The following SAMD3 variants were observed in gnomAD, a reference collection of about 807,000 sequenced individuals.
SAMD3 encodes the protein sterile alpha motif domain-containing protein 3.
Under a neutral mutation model 58.5 loss-of-function variants are expected in SAMD3, and 63 were observed. That is an observed-to-expected ratio of 1.08 (90% CI 0.88 to 1.33). The LOEUF is 1.33. Ranked by LOEUF, SAMD3 falls within the 40% of genes most tolerant of loss-of-function variation. SAMD3 has a pLI of 0.00. For missense variants in SAMD3, 604 were observed against 608.4 expected (o/e 0.99, Z 0.08); for synonymous variants, 220 against 210.3 (o/e 1.05, Z -0.40).
intron 1 of SAMD3, among the ~76,000 whole-genome samples, chr6:130,354,643 G>T (rs558206802): frequency 3.9e-5 from 6 of 152,096 alleles, no homozygotes; most frequent in African/African-American, 1.2e-4. Flanking sequence ...CAGACACTGG[G>T]GCCTATGTGA....
At chr6:130,190,167 C>T (rs1793394332) in intron 5 of SAMD3, among the ~76,000 whole-genome samples, 1 of 152,196 alleles carries the variant, frequency 6.6e-6, no homozygotes. Flanking sequence ...CAGATTTTAA[C>T]TGACACCAGG....
intron 1 of SAMD3, among the ~76,000 whole-genome samples, chr6:130,351,231 C>G (rs1777651949): frequency 6.6e-6 from 1 of 152,096 alleles, no homozygotes; most frequent in Non-Finnish European, 1.5e-5. Context: ...CAAATGGGAT[C>G]TAATTAAACT....
chr6:130,362,298 T>TC (rs749204957), intron 1 of SAMD3, among the ~76,000 whole-genome samples: 1 of 152,146 alleles, frequency 6.6e-6, no homozygotes, highest in Non-Finnish European at 1.5e-5. Flanking sequence ...TTCTAACAGT[T>TC]CCCCCGTGAT....
At position 130,177,632 on chromosome 6, in the gene SAMD3, T is replaced by C. The variant is rs1010574568; in HGVS notation, c.655-1624A>G. Among the ~76,000 whole-genome samples the C allele has an allele frequency of 2.0e-5, 3 of 152,232 alleles. No homozygotes were observed. In the East Asian group the frequency reaches 5.8e-4, roughly 29 times the overall value. ...GGTGTTGGATCTCTCCTTTCTTCAC[T>C]GGCACTTATCACAGTGGTAATCTAC... On this transcript the variant is annotated intron_variant, in intron 7 of 11. Transcript: ENST00000439090.
chr6:130,229,969 C>T (rs1796497112), intron 2 of SAMD3, among the ~76,000 whole-genome samples: 1 of 152,166 alleles, frequency 6.6e-6, no homozygotes, highest in South Asian at 2.1e-4. Flanking sequence ...TTATTTTTCT[C>T]TAGTCATAAT....
In SAMD3 at chr6:130,218,271, C is replaced by T. The variant is rs141755382; in HGVS notation, c.-67-1655G>A. Among the ~76,000 whole-genome samples, 9 of 152,294 alleles carry T rather than the reference C, an allele frequency of 5.9e-5. No homozygotes were observed. The East Asian group carries it at 1.7e-3, about 29-fold the overall frequency. ...CCTCACAGATTGAATTCCAAGTTCCCACACCAGAATAAGAAGGGCCAGTTC... is the reference window on the plus strand; with the variant it reads ...CCTCACAGATTGAATTCCAAGTTCCTACACCAGAATAAGAAGGGCCAGTTC... On this transcript the variant is annotated intron_variant, in intron 1 of 11. Transcript: ENST00000439090.
intron 2 of SAMD3, among the ~76,000 whole-genome samples, chr6:130,280,462 C>T (rs975469151): frequency 6.6e-6 from 1 of 152,130 alleles, no homozygotes; most frequent in Non-Finnish European, 1.5e-5. Flanking sequence ...CATGCCTCCC[C>T]GTGGCACTCA....
Position 130,177,644 on chromosome 6 carries a change from C to T in SAMD3, c.655-1636G>A, listed in dbSNP as rs557198945. Among the ~76,000 whole-genome samples, 6 of 152,346 alleles carry T rather than the reference C, an allele frequency of 3.9e-5. No individual in the cohort carries two copies. In the South Asian group the frequency reaches 1.2e-3, roughly 32 times the overall value. ...CTCCTTTCTTCACTGGCACTTATCA[C>T]AGTGGTAATCTACCCTCATCTATGT... On this transcript the variant is annotated intron_variant, in intron 7 of 11. Transcript: ENST00000439090.
chr6:130,257,714 C>A (rs1773972153), intron 2 of SAMD3, among the ~76,000 whole-genome samples: 1 of 151,990 alleles, frequency 6.6e-6, no homozygotes, highest in South Asian at 2.1e-4. Flanking sequence ...GGACACACAG[C>A]AAAATGTACA....
chr6:130,259,075 G>A lies in SAMD3; in HGVS notation c.-187-36262C>T, dbSNP rs139357529. Among the ~76,000 whole-genome samples the A allele has an allele frequency of 1.7e-3, 258 of 152,276 alleles. 2 individuals carry two copies. Among genetic ancestry groups the A allele is most frequent in the African/African-American group, 6.1e-3 (253 of 41,560 alleles). On this transcript the variant is annotated intron_variant, in intron 2 of 13. Transcript: ENST00000368134. Reference sequence around the variant, plus strand: ...CCATACAGGTTGGTTATAGGTTCATGATGAGAGAGGATTAAGGAGAAATCT... The same window carrying A: ...CCATACAGGTTGGTTATAGGTTCATAATGAGAGAGGATTAAGGAGAAATCT...
intron 1 of SAMD3, among the ~76,000 whole-genome samples, chr6:130,341,978 A>G (rs1777290111): frequency 6.6e-6 from 1 of 152,322 alleles, no homozygotes; most frequent in South Asian, 2.1e-4. Context: ...CAAAGCAAAA[A>G]CATTGACATG....
intron 2 of SAMD3, among the ~76,000 whole-genome samples, chr6:130,288,684 T>C (rs1775256489): frequency 1.3e-5 from 2 of 152,254 alleles, no homozygotes; most frequent in Non-Finnish European, 2.9e-5. Flanking sequence ...CTATGGCTTC[T>C]ATTTCCTCTG....
At chr6:130,151,029 C>A (rs1419193941) in intron 9 of SAMD3, among the ~76,000 whole-genome samples, 1 of 152,070 alleles carries the variant, frequency 6.6e-6, no homozygotes, top group Non-Finnish European at 1.5e-5. Flanking sequence ...TTATTAGCAA[C>A]ACTGTGTGAA....
At chr6:130,228,342 T>A (rs1298684767) in intron 2 of SAMD3, among the ~76,000 whole-genome samples, 2 of 152,148 alleles carry the variant, frequency 1.3e-5, no homozygotes, top group Admixed American at 6.5e-5. Flanking sequence ...CCGTTGTGCA[T>A]TAAAAATTGT....
chr6:130,180,953 C>CTTTTTCTTTTT (rs1554257135), intron 7 of SAMD3, among the ~76,000 whole-genome samples: 1 of 117,362 alleles, frequency 8.5e-6, no homozygotes. Context: ...TTCTTTCTTT[C>CTTTTTCTTTTT]TTTTTTCTTT....
intron 6 of SAMD3, 30 bp from the exon 7 acceptor site, chr6:130,184,217 C>A: frequency 6.5e-7 from 1 of 1,547,674 alleles, no homozygotes; most frequent in South Asian, 1.2e-5. Context: ...GGATATGTTT[C>A]ACTTCAAGCA....
chr6:130,291,454 T>C (rs1163237494), intron 2 of SAMD3, among the ~76,000 whole-genome samples: 2 of 152,306 alleles, frequency 1.3e-5, no homozygotes, highest in African/African-American at 2.4e-5. Context: ...CTCAGGCTCA[T>C]GGTTGACTCT....
At chr6:130,356,423 G>A (rs1397662437) in intron 1 of SAMD3, among the ~76,000 whole-genome samples, 1 of 152,174 alleles carries the variant, frequency 6.6e-6, no homozygotes, top group Non-Finnish European at 1.5e-5. Flanking sequence ...GAACTTCTCT[G>A]ATATTCTATA....
chr6:130,151,069 G>A (rs555722821), intron 9 of SAMD3, among the ~76,000 whole-genome samples: 4 of 152,150 alleles, frequency 2.6e-5, no homozygotes, highest in South Asian at 2.1e-4. Context: ...GATCCCCAGG[G>A]GATCCGTGTG....
Sources: allele counts gnomAD v4.1 joint callset (sites outside exome capture counted in the v4.1 genomes callset), GRCh38; gene constraint gnomAD v4.1.1; transcripts MANE v1.5; gene names NCBI Gene and HGNC (gene_info 2026-07-23, HGNC 2026-07-21).